Variants in LRP6 observed in about 807,000 individuals in gnomAD.
LRP6 encodes low-density lipoprotein receptor-related protein 6.
A neutral mutation model predicts 184.1 loss-of-function variants in LRP6; 43 were observed. The observed-to-expected ratio is 0.23, with a 90% CI of 0.18 to 0.30. LRP6 has a LOEUF of 0.30. LRP6 is among the 10% of genes least tolerant of loss of function. LRP6 has a pLI of 1.00. For missense variants in LRP6, 1,571 were observed against 2,005.3 expected (o/e 0.78, Z 4.14); for synonymous variants, 719 against 684.9 (o/e 1.05, Z -0.78).
intron 7 of LRP6, among the ~76,000 whole-genome samples, chr12:12,165,755 A>C (rs1214682953): frequency 6.7e-6 from 1 of 149,940 alleles, no homozygotes; most frequent in East Asian, 1.9e-4. Flanking sequence ...AACACAGTTG[A>C]TGTCTTTTTC....
At chr12:12,244,148 T>G in intron 2 of LRP6, 114 bp downstream of exon 2, 1 of 1,020,972 alleles carries the variant, frequency 9.8e-7, no homozygotes, top group Non-Finnish European at 1.5e-6. Flanking sequence ...GCCCAAAGAA[T>G]CTAAAATTCC....
intron 1 of LRP6, among the ~76,000 whole-genome samples, chr12:12,258,013 C>T (rs1006819528): frequency 7.3e-5 from 11 of 151,690 alleles, no homozygotes; most frequent in African/African-American, 2.7e-4. Context: ...TAGTTATATC[C>T]TAAAACCAGA....
chr12:12,174,502 T>G (rs923058032), intron 7 of LRP6, among the ~76,000 whole-genome samples: 4 of 152,220 alleles, frequency 2.6e-5, no homozygotes, highest in African/African-American at 9.6e-5. Context: ...TGTCATATTA[T>G]CAGAACAGCC....
chr12:12,129,267 C>T (rs1158251205), intron 19 of LRP6, among the ~76,000 whole-genome samples: 2 of 152,162 alleles, frequency 1.3e-5, no homozygotes, highest in Non-Finnish European at 2.9e-5. Flanking sequence ...CTTGACCATG[C>T]TAGTCTTTTT....
chr12:12,124,514 A>G (rs543832008), intron 22 of LRP6, 51 bp downstream of exon 22: 1 of 1,354,988 alleles, frequency 7.4e-7, no homozygotes, highest in Non-Finnish European at 1.1e-6. Context: ...TCCACAACTG[A>G]AACACTTTCA....
intron 7 of LRP6, among the ~76,000 whole-genome samples, chr12:12,170,795 A>ACG (rs1863014750): frequency 1.5e-5 from 1 of 67,592 alleles, no homozygotes; most frequent in Non-Finnish European, 2.8e-5. Flanking sequence ...ATTACTTCAC[A>ACG]CACACACACA....
intron 3 of LRP6, 112 bp downstream of exon 3, chr12:12,203,091 C>T (rs1863959368): frequency 4.2e-6 from 3 of 709,470 alleles, no homozygotes; most frequent in Non-Finnish European, 6.9e-6. Context: ...TTCTTCTTCC[C>T]CTCTGGCACT....
intron 1 of LRP6, among the ~76,000 whole-genome samples, chr12:12,246,276 G>A (rs1591983163): frequency 6.6e-6 from 1 of 151,610 alleles, no homozygotes; most frequent in South Asian, 2.1e-4. Flanking sequence ...AAAGTGCTTG[G>A]GATTACAGGC....
intron 7 of LRP6, among the ~76,000 whole-genome samples, chr12:12,175,560 G>A (rs890407053): frequency 1.3e-5 from 2 of 151,420 alleles, no homozygotes; most frequent in Non-Finnish European, 2.9e-5. Flanking sequence ...GGTAGCAGAC[G>A]CCTGTAGTCC....
At chr12:12,193,084 A>G (rs1478897949) in intron 3 of LRP6, among the ~76,000 whole-genome samples, 1 of 152,048 alleles carries the variant, frequency 6.6e-6, no homozygotes, top group African/African-American at 2.4e-5. Flanking sequence ...AAATCAACGG[A>G]AGAAAATTTG....
Position 12,124,674 on chromosome 12 carries a change from A to C in LRP6, c.4450-12T>G. On this transcript the variant is annotated splice_polypyrimidine_tract_variant and intron_variant, in intron 21 of 22. Coordinates refer to ENST00000261349, the MANE Select transcript of LRP6 (RefSeq NM_002336.3). ...GGAGGGTTCAAAATCTAAAAGAAAA[A>C]AATAATTAAAATATTAAAATAACAA... 1.4e-6 allele frequency: 2 copies of C among 1,469,272 alleles called. No homozygotes were observed. The highest frequency in any genetic ancestry group is 1.9e-6 in the Non-Finnish European group (2 of 1,057,054). 91.0% of individuals were successfully genotyped at this position (1,469,272 alleles called of 1,614,324 possible).
At chr12:12,174,203 C>A (rs1226492288) in intron 7 of LRP6, among the ~76,000 whole-genome samples, 2 of 151,944 alleles carry the variant, frequency 1.3e-5, no homozygotes, top group Non-Finnish European at 2.9e-5. Context: ...CCTCCGCCAC[C>A]CGGGTTCAAG....
chr12:12,152,342 A>T (rs1173531730), intron 12 of LRP6, among the ~76,000 whole-genome samples: 1 of 152,206 alleles, frequency 6.6e-6, no homozygotes. Context: ...GAACTAATGC[A>T]GTGGTGCGAT....
At chr12:12,167,232 T>G (rs985797537) in intron 7 of LRP6, among the ~76,000 whole-genome samples, 2 of 152,218 alleles carry the variant, frequency 1.3e-5, no homozygotes, top group Admixed American at 1.3e-4. Context: ...CCTTCATTCT[T>G]CTGTTCTCTA....
At chr12:12,264,908 G>C (rs895121615) in intron 1 of LRP6, among the ~76,000 whole-genome samples, 1 of 152,034 alleles carries the variant, frequency 6.6e-6, no homozygotes, top group Non-Finnish European at 1.5e-5. Flanking sequence ...CCTCTTCCAG[G>C]TCTTGTTACA....
rs368978796 is a variant in LRP6, at chr12:12,126,702, C to T, written c.4301G>A (p.Gly1434Glu). 1.6e-5 allele frequency: 26 copies of T among 1,613,844 alleles called. No individual in the cohort carries two copies. Among genetic ancestry groups the T allele is most frequent in the Non-Finnish European group, 2.0e-5 (24 of 1,179,898 alleles). ...CCATCCTGACTCACCTGGAAGAGAT[C>T]CTGACAAAGAACTTGGGTGTGGCAC... ...GYVPHPSSLS[G>E]SLPGMSRGKS... is the part of the protein sequence containing the mutation. The change falls in exon 20 of 23, where the codon GGA becomes GAA. Residue 1434 changes from glycine to glutamate, a missense_variant. Around this residue, in one of 4 missense-constraint regions of LRP6, gnomAD observed 763 missense variants for 859.5 expected, o/e 0.89. Transcript: ENST00000261349.
intron 3 of LRP6, among the ~76,000 whole-genome samples, chr12:12,191,624 T>C (rs112684262): frequency 1.8e-4 from 27 of 152,172 alleles, no homozygotes; most frequent in East Asian, 9.7e-4. Flanking sequence ...CAGAAAGATA[T>C]AGAAATAGAA....
At position 12,165,113 on chromosome 12, in the gene LRP6, C is replaced by T. The variant is rs1432180952; in HGVS notation, c.1728G>A (p.Met576Ile). Residue 576 changes from methionine (M) to isoleucine (I), a missense_variant, in exon 8 of 23, where the codon ATG (methionine) becomes ATA (isoleucine). Around this residue, in one of 4 missense-constraint regions of LRP6, gnomAD observed 640 missense variants for 851.9 expected, o/e 0.75. Coordinates refer to ENST00000261349, the MANE Select transcript of LRP6 (RefSeq NM_002336.3). ...GATGAACATTTGTAGCCTTTAGGCCCATGAGGTCAGGCAGCTGATCTATGA... is the reference window on the plus strand; with the variant it reads ...GATGAACATTTGTAGCCTTTAGGCCTATGAGGTCAGGCAGCTGATCTATGA... Reference protein sequence around the residue: ...EVIIDQLPDLMGLKATNVHRV... With the variant: ...EVIIDQLPDLIGLKATNVHRV... The T allele has an allele frequency of 6.2e-7, 1 of 1,613,828 alleles. No homozygotes were observed. The highest frequency in any genetic ancestry group is 8.5e-7 in the Non-Finnish European group (1 of 1,179,964).
At chr12:12,145,630 T>TC (rs1343645046) in intron 15 of LRP6, among the ~76,000 whole-genome samples, 1 of 126,024 alleles carries the variant, frequency 7.9e-6, no homozygotes, top group African/African-American at 4.3e-5. Flanking sequence ...TTTTCTTTTT[T>TC]TTTTTTTTTT....
Sources: allele counts gnomAD v4.1 joint callset (sites outside exome capture counted in the v4.1 genomes callset), GRCh38; gene constraint gnomAD v4.1.1; regional missense constraint gnomAD v4.1.1; transcripts MANE v1.5; gene names NCBI Gene and HGNC (gene_info 2026-07-23, HGNC 2026-07-21).